Variants in PAK5 observed in about 807,000 individuals in gnomAD.
PAK5 encodes p21 (RAC1) activated kinase 5, also known as serine/threonine-protein kinase PAK 5.
Under a neutral mutation model 65.9 loss-of-function variants are expected in PAK5, and 16 were observed. The ratio of observed to expected loss-of-function variants is 0.24; its 90% confidence interval spans 0.16 to 0.37. The LOEUF (loss-of-function observed/expected upper bound fraction) is 0.37, where lower values mean the gene tolerates loss of function less well. Among genes scored for constraint, PAK5 ranks in the 10% least tolerant of loss-of-function variants. The probability of loss-of-function intolerance (pLI) is 1.00; values close to 1 mark genes in which losing one functional copy is unlikely to be tolerated. For missense variants in PAK5, 785 were observed against 903.9 expected (o/e 0.87, Z 1.69); for synonymous variants, 371 against 354.9 (o/e 1.05, Z -0.51).
intron 1 of PAK5, among the ~76,000 whole-genome samples, chr20:9,782,747 T>G (rs2048953814): frequency 1.3e-5 from 2 of 152,232 alleles, no homozygotes; most frequent in African/African-American, 4.8e-5. Context: ...AAAAGGAACT[T>G]TCAGTCTAGT....
In PAK5 at chr20:9,539,592, A is replaced by G. The variant is rs1043556468; in HGVS notation, c.2030T>C (p.Leu677Pro). The change falls in exon 10 of 10, where the codon CTA becomes CCA. Residue 677 changes from leucine (L) to proline (P), a missense_variant. Physicochemically the swap from Leu to Pro is moderately conservative, Grantham distance 98 (BLOSUM62 -3). Transcript: ENST00000353224. ...GGGCTCCCTCACCAACATCAAGTCTAGGAATCCCCGGAGCACTGAAGAAAC... is the reference window on the plus strand; with the variant it reads ...GGGCTCCCTCACCAACATCAAGTCTGGGAATCCCCGGAGCACTGAAGAAAC... ...HKVSSVLRGF[L>P]DLMLVREPSQ... 10 of 1,613,442 alleles carry G rather than the reference A, an allele frequency of 6.2e-6. No individual in the cohort carries two copies. The highest frequency in any genetic ancestry group is 8.5e-6 in the Non-Finnish European group (10 of 1,179,966).
intron 1 of PAK5, among the ~76,000 whole-genome samples, chr20:9,788,720 T>G: frequency 6.6e-6 from 1 of 152,188 alleles, no homozygotes; most frequent in East Asian, 1.9e-4. Context: ...ATAACTCTAT[T>G]GGTCACAGAA....
intron 2 of PAK5, among the ~76,000 whole-genome samples, chr20:9,672,096 C>T (rs4816162): frequency 0.02 from 3,005 of 151,900 alleles, 42 homozygotes; most frequent in Non-Finnish European, 0.03. Context: ...ACTAGATTTT[C>T]CTACAGAGGT....
intron 3 of PAK5, among the ~76,000 whole-genome samples, chr20:9,635,862 C>A (rs189834218): frequency 1.3e-5 from 2 of 152,282 alleles, no homozygotes; most frequent in Admixed American, 1.3e-4. Context: ...AAGAAGAGAC[C>A]TGTTAAGGGA....
intron 1 of PAK5, among the ~76,000 whole-genome samples, chr20:9,764,028 T>A (rs1161579558): frequency 6.6e-6 from 1 of 152,200 alleles, no homozygotes; most frequent in Non-Finnish European, 1.5e-5. Flanking sequence ...TTTGGGAAAT[T>A]TAACATTGAT....
chr20:9,542,663 AG>A lies in PAK5; in HGVS notation c.1926del (p.Tyr643ThrfsTer21). 1 of 1,613,948 alleles carries A rather than the reference AG, an allele frequency of 6.2e-7. No homozygotes were observed. Among genetic ancestry groups the A allele is most frequent in the South Asian group, 1.1e-5 (1 of 91,076 alleles). ...MVIEMIDGEP[P>X]YFNEPPLQAM... is the part of the protein sequence containing the mutation. The stretch of plus-strand genomic sequence containing the variant: ...GCCTGGAGGGGAGGCTCATTGAAGT[AG>A]GGGGGCTCGCCATCAATCATTTCTA... On this transcript the variant is annotated frameshift_variant, in exon 9 of 10. Transcript: ENST00000353224. LOFTEE classifies it high-confidence loss of function.
intron 1 of PAK5, among the ~76,000 whole-genome samples, chr20:9,805,095 A>G (rs982580058): frequency 3.9e-5 from 6 of 152,230 alleles, no homozygotes; most frequent in Admixed American, 1.3e-4. Context: ...CCAAAAAAAT[A>G]CAAATGGCCA....
chr20:9,737,306 T>C (rs1472961386), intron 1 of PAK5, among the ~76,000 whole-genome samples: 2 of 152,024 alleles, frequency 1.3e-5, no homozygotes, highest in Non-Finnish European at 2.9e-5. Flanking sequence ...AATTAAACAA[T>C]GGAAAAGGAT....
intron 1 of PAK5, among the ~76,000 whole-genome samples, chr20:9,797,551 C>T (rs6077601): frequency 0.62 from 92,733 of 149,570 alleles, 29,335 homozygotes; most frequent in South Asian, 0.71. Flanking sequence ...ATGTAAATGA[C>T]GAGTTAATGG....
chr20:9,827,066 A>G (rs917110665), intron 1 of PAK5, among the ~76,000 whole-genome samples: 2 of 152,142 alleles, frequency 1.3e-5, no homozygotes, highest in African/African-American at 4.8e-5. Context: ...TTCTCCAACC[A>G]GAAACAGGTA....
intron 7 of PAK5, among the ~76,000 whole-genome samples, chr20:9,551,744 A>G (rs2045431670): frequency 6.6e-6 from 1 of 152,166 alleles, no homozygotes; most frequent in Non-Finnish European, 1.5e-5. Context: ...CATCAGCCTC[A>G]CCTGAGAGCC....
chr20:9,715,410 G>A (rs2048131443), intron 1 of PAK5, among the ~76,000 whole-genome samples: 1 of 152,088 alleles, frequency 6.6e-6, no homozygotes, highest in African/African-American at 2.4e-5. Flanking sequence ...GTGCTGGAGA[G>A]GATGTGGAGA....
At chr20:9,660,979 C>G (rs1436119712) in intron 2 of PAK5, among the ~76,000 whole-genome samples, 7 of 152,116 alleles carry the variant, frequency 4.6e-5, no homozygotes, top group Non-Finnish European at 1.0e-4. Context: ...CACCACAAAC[C>G]TACTGACTCA....
chr20:9,759,319 C>T (rs2048671412), intron 1 of PAK5, among the ~76,000 whole-genome samples: 1 of 152,112 alleles, frequency 6.6e-6, no homozygotes, highest in African/African-American at 2.4e-5. Context: ...GAACCTGTTT[C>T]TTATCATATC....
intron 1 of PAK5, among the ~76,000 whole-genome samples, chr20:9,801,965 C>T (rs1395643019): frequency 6.6e-6 from 1 of 152,120 alleles, no homozygotes; most frequent in African/African-American, 2.4e-5. Flanking sequence ...TACAAAAATG[C>T]TTTATGGTGC....
chr20:9,620,897 AAT>A (rs1240483259), intron 3 of PAK5, among the ~76,000 whole-genome samples: 1 of 151,660 alleles, frequency 6.6e-6, no homozygotes, highest in African/African-American at 2.4e-5. Flanking sequence ...AGCCAGAAAA[AAT>A]ATATATATAT....
intron 1 of PAK5, among the ~76,000 whole-genome samples, chr20:9,794,130 G>A (rs2049079495): frequency 6.9e-6 from 1 of 144,648 alleles, no homozygotes; most frequent in Admixed American, 7.3e-5. Flanking sequence ...TGAACAATGA[G>A]AACACATGGA....
intron 1 of PAK5, among the ~76,000 whole-genome samples, chr20:9,747,104 C>T (rs544586279): frequency 2.0e-5 from 3 of 152,156 alleles, no homozygotes; most frequent in South Asian, 4.2e-4. Context: ...ATAAATTCCT[C>T]GACACGTACA....
intron 3 of PAK5, among the ~76,000 whole-genome samples, chr20:9,586,612 G>A (rs2046074829): frequency 6.6e-6 from 1 of 151,996 alleles, no homozygotes; most frequent in South Asian, 2.1e-4. Context: ...CATTAATCGT[G>A]CTATAAATAT....
Sources: gnomAD v4.1 joint callset for allele counts (sites outside exome capture counted in the v4.1 genomes callset) on GRCh38, gnomAD v4.1.1 for gene constraint, MANE v1.5 for transcripts, NCBI Gene and HGNC (gene_info 2026-07-23, HGNC 2026-07-21) for gene names.